FBXW10B: variants seen among roughly 807,000 people sequenced by gnomAD.
FBXW10B encodes F-box and WD repeat domain containing 10B.
At chr17:15,596,464 C>T in the FBXW10B span, 7 of 1,436,106 alleles carry the variant, frequency 4.9e-6, no homozygotes, top group South Asian at 2.7e-5. Context: ...GGAGCCCACC[C>T]ATCTCCTCCC....
chr17:15,570,842 C>G, the FBXW10B span, among the ~76,000 whole-genome samples: 1 of 152,036 alleles, frequency 6.6e-6, no homozygotes, highest in East Asian at 1.9e-4. Flanking sequence ...GAGGACTCTT[C>G]GATAAAACAC....
At chr17:15,575,518 T>C in the FBXW10B span, among the ~76,000 whole-genome samples, 2 of 149,458 alleles carry the variant, frequency 1.3e-5, no homozygotes, top group Admixed American at 6.6e-5. Context: ...ACTTCACTAG[T>C]TGCAGCTCAG....
chr17:15,617,187 C>T, the FBXW10B span, among the ~76,000 whole-genome samples: 4 of 152,188 alleles, frequency 2.6e-5, no homozygotes, highest in Non-Finnish European at 5.9e-5. Context: ...ATCATTCTTC[C>T]ATACCCCTGA....
the FBXW10B span, among the ~76,000 whole-genome samples, chr17:15,601,852 C>A: frequency 6.6e-6 from 1 of 152,134 alleles, no homozygotes; most frequent in African/African-American, 2.4e-5. Flanking sequence ...GTGGCTCATG[C>A]CTGTAATCCC....
chr17:15,610,562 C>T, the FBXW10B span, among the ~76,000 whole-genome samples: 13 of 152,288 alleles, frequency 8.5e-5, no homozygotes, highest in Admixed American at 8.5e-4. Flanking sequence ...AAGAGACTTT[C>T]CCCCCACATC....
the FBXW10B span, chr17:15,565,559 C>T: frequency 6.2e-6 from 10 of 1,613,580 alleles, no homozygotes; most frequent in East Asian, 2.0e-4. Context: ...TGTCCAAGTT[C>T]AGGGGCCGCT....
the FBXW10B span, among the ~76,000 whole-genome samples, chr17:15,590,619 C>T: frequency 1.3e-5 from 2 of 149,806 alleles, no homozygotes; most frequent in African/African-American, 5.0e-5. Flanking sequence ...CTTAGTTCCA[C>T]CTGGAGCTCA....
chr17:15,568,548 C>T, the FBXW10B span, among the ~76,000 whole-genome samples: 2 of 151,874 alleles, frequency 1.3e-5, no homozygotes, highest in South Asian at 2.1e-4. Flanking sequence ...CCTTCCTCCT[C>T]CACCTACTCT....
chr17:15,584,001 A>G, the FBXW10B span, among the ~76,000 whole-genome samples: 1 of 152,066 alleles, frequency 6.6e-6, no homozygotes, highest in Non-Finnish European at 1.5e-5. Context: ...TGGGAGTGTA[A>G]ATTTGTGCAA....
At chr17:15,592,644 G>A in the FBXW10B span, among the ~76,000 whole-genome samples, 1 of 151,204 alleles carries the variant, frequency 6.6e-6, no homozygotes, top group African/African-American at 2.4e-5. Flanking sequence ...TCTCCTATAT[G>A]TCTCTTTGCA....
chr17:15,593,404 A>G, the FBXW10B span: 4 of 1,614,188 alleles, frequency 2.5e-6, no homozygotes, highest in South Asian at 2.2e-5. Flanking sequence ...ACCTTCATAC[A>G]GTTCCCATTG....
chr17:15,604,749 G>A, the FBXW10B span, among the ~76,000 whole-genome samples: 60 of 152,236 alleles, frequency 3.9e-4, no homozygotes, highest in Non-Finnish European at 6.5e-4. Flanking sequence ...ATGTTAGCCA[G>A]GATGGTCTTG....
At chr17:15,602,773 G>A in the FBXW10B span, among the ~76,000 whole-genome samples, 2 of 121,000 alleles carry the variant, frequency 1.7e-5, no homozygotes, top group Non-Finnish European at 1.6e-5. Flanking sequence ...GACTACAGGC[G>A]CCCGCCACCT....
chr17:15,618,306 TGACAGCGA>T, the FBXW10B span, among the ~76,000 whole-genome samples: 1 of 151,618 alleles, frequency 6.6e-6, no homozygotes, highest in Admixed American at 6.6e-5. Context: ...CCAGCCTGGG[TGACAGCGA>T]GACTCCATCT....
At chr17:15,611,063 A>G in the FBXW10B span, among the ~76,000 whole-genome samples, 36 of 140,876 alleles carry the variant, frequency 2.6e-4, no homozygotes, top group African/African-American at 9.4e-4. Flanking sequence ...TCACTCTGTC[A>G]CCCAGGCTGG....
the FBXW10B span, among the ~76,000 whole-genome samples, chr17:15,590,593 G>A: frequency 9.4e-5 from 14 of 149,010 alleles, no homozygotes; most frequent in South Asian, 1.9e-3. Flanking sequence ...TCCTGCTCCC[G>A]GTCACGTTCC....
the FBXW10B span, chr17:15,613,652 G>T: frequency 2.5e-6 from 4 of 1,594,400 alleles, no homozygotes; most frequent in Non-Finnish European, 3.4e-6. Context: ...GAAGCCGTGC[G>T]CTGACAAGTC....
the FBXW10B span, among the ~76,000 whole-genome samples, chr17:15,582,587 G>T: frequency 6.7e-6 from 1 of 149,800 alleles, no homozygotes; most frequent in African/African-American, 2.5e-5. Flanking sequence ...ATGTCTCATT[G>T]TATACAAATA....
the FBXW10B span, among the ~76,000 whole-genome samples, chr17:15,602,860 C>A: frequency 8.1e-6 from 1 of 122,750 alleles, no homozygotes. Context: ...ATCTCCTGAC[C>A]TCGTGATCCG....
Sources: gnomAD v4.1 joint callset for allele counts (sites outside exome capture counted in the v4.1 genomes callset) on GRCh38, gnomAD v4.1.1 for gene constraint, MANE v1.5 for transcripts, NCBI Gene and HGNC (gene_info 2026-07-23, HGNC 2026-07-21) for gene names.